The following CPA6 variants were observed in gnomAD, a reference collection of about 807,000 sequenced individuals.
The protein encoded by CPA6 is carboxypeptidase B.
CPA6 carries 58 observed loss-of-function variants against 63.3 expected under a neutral mutation model. The ratio of observed to expected loss-of-function variants is 0.92; its 90% confidence interval spans 0.74 to 1.14. CPA6 has a LOEUF of 1.14. Ranked by LOEUF, CPA6 falls within the 50% of genes most tolerant of loss-of-function variation. The probability of loss-of-function intolerance (pLI) is 0.00; values close to 1 mark genes in which losing one functional copy is unlikely to be tolerated. For synonymous variants in CPA6, 185 were observed against 179.0 expected, an observed-to-expected ratio of 1.03 and a Z score of -0.27; for missense variants, 565 against 526.6, an observed-to-expected ratio of 1.07 and a Z score of -0.71.
intron 1 of CPA6, among the ~76,000 whole-genome samples, chr8:67,638,275 A>G (rs379085): frequency 0.36 from 53,664 of 150,854 alleles, 10,582 homozygotes; most frequent in African/African-American, 0.48. Flanking sequence ...TGACAGGAGA[A>G]AGGAGGAAAA....
At chr8:67,631,160 A>G (rs138021651) in intron 1 of CPA6, among the ~76,000 whole-genome samples, 1 of 152,210 alleles carries the variant, frequency 6.6e-6, no homozygotes, top group African/African-American at 2.4e-5. Flanking sequence ...GGGATCTACT[A>G]GGCAAAGCCA....
intron 2 of CPA6, among the ~76,000 whole-genome samples, chr8:67,583,632 T>G (rs1000357423): frequency 2.0e-5 from 3 of 152,182 alleles, no homozygotes; most frequent in Non-Finnish European, 4.4e-5. Context: ...CCAAGGGCTG[T>G]GAATTCAGGT....
intron 10 of CPA6, among the ~76,000 whole-genome samples, chr8:67,423,508 C>T (rs763953024): frequency 1.1e-4 from 16 of 152,176 alleles, no homozygotes; most frequent in Non-Finnish European, 1.8e-4. Context: ...ATTTGATTCT[C>T]TAGTTGGCCA....
At chr8:67,485,836 G>T (rs1379186531) in intron 6 of CPA6, among the ~76,000 whole-genome samples, 1 of 152,186 alleles carries the variant, frequency 6.6e-6, no homozygotes, top group South Asian at 2.1e-4. Context: ...CTATGCCAAA[G>T]AACAAGTTTC....
intron 2 of CPA6, among the ~76,000 whole-genome samples, chr8:67,574,550 C>G (rs72657233): frequency 0.11 from 16,144 of 151,976 alleles, 936 homozygotes; most frequent in Middle Eastern, 0.2. Context: ...ACACATTGAC[C>G]AATGGAACAG....
At chr8:67,530,514 A>T (rs1219170955) in intron 2 of CPA6, among the ~76,000 whole-genome samples, 1 of 152,198 alleles carries the variant, frequency 6.6e-6, no homozygotes, top group Non-Finnish European at 1.5e-5. Flanking sequence ...CCCCACTCCA[A>T]TATAGCTAGA....
intron 7 of CPA6, among the ~76,000 whole-genome samples, 179 bp downstream of exon 7, chr8:67,484,499 TG>T (rs542837540): frequency 3.0e-4 from 45 of 152,208 alleles, no homozygotes; most frequent in Non-Finnish European, 5.0e-4. Context: ...AAAATCTAGA[TG>T]TGAAAATGAA....
chr8:67,582,570 TGC>T (rs1249914871), intron 2 of CPA6, among the ~76,000 whole-genome samples: 132 of 152,348 alleles, frequency 8.7e-4, no homozygotes, highest in African/African-American at 3.0e-3. Context: ...CTGTTATGAA[TGC>T]CTGGAGGGTT....
chr8:67,497,173 T>C (rs1811738706), intron 6 of CPA6, among the ~76,000 whole-genome samples: 1 of 152,228 alleles, frequency 6.6e-6, no homozygotes, highest in African/African-American at 2.4e-5. Flanking sequence ...TTTAGTATAT[T>C]TGCAGTGCTG....
rs773734224 is a variant in CPA6, at chr8:67,506,879, G to A, written c.544C>T (p.Arg182Ter). The A allele has an allele frequency of 1.4e-5, 23 of 1,612,506 alleles. No individual in the cohort carries two copies. Among genetic ancestry groups the A allele is most frequent in the African/African-American group, 6.7e-5 (5 of 74,852 alleles). Residue 182 changes from arginine (R) to a stop codon, truncating the protein, a stop_gained, in exon 6 of 11, where the codon CGA becomes TGA. Transcript: ENST00000297770. LOFTEE classifies it high-confidence loss of function. ...RSLFILKLGR[R>*]SRLKRAVWID... is the part of the protein sequence containing the mutation. ...CAAACAGCTCTTTTGAGTCGTGATC[G>A]TCTGCCCAGCTGAAAACAAGAGCAT...
chr8:67,665,364 T>C (rs141633046), intron 1 of CPA6, among the ~76,000 whole-genome samples: 381 of 152,328 alleles, frequency 2.5e-3, no homozygotes, highest in Middle Eastern at 0.01. Context: ...ACCTCAATTT[T>C]CAGTGCTGAA....
intron 2 of CPA6, among the ~76,000 whole-genome samples, chr8:67,564,309 G>T (rs1186086764): frequency 6.6e-6 from 1 of 152,056 alleles, no homozygotes; most frequent in Non-Finnish European, 1.5e-5. Flanking sequence ...TGCCTGTGAT[G>T]CTCCTAAAGC....
chr8:67,651,635 T>G (rs901874164), intron 1 of CPA6, among the ~76,000 whole-genome samples: 9 of 152,144 alleles, frequency 5.9e-5, no homozygotes, highest in Non-Finnish European at 8.8e-5. Flanking sequence ...GGTTTCGGTT[T>G]TCCTTACATT....
At chr8:67,446,907 A>G (rs939963814) in intron 8 of CPA6, among the ~76,000 whole-genome samples, 1 of 152,150 alleles carries the variant, frequency 6.6e-6, no homozygotes, top group Admixed American at 6.6e-5. Flanking sequence ...GTGTGTGTGT[A>G]AACAAATACA....
At chr8:67,699,183 C>T (rs546538477) in intron 1 of CPA6, among the ~76,000 whole-genome samples, 100 of 152,202 alleles carry the variant, frequency 6.6e-4, no homozygotes, top group South Asian at 2.9e-3. Flanking sequence ...CTTGGGAGGC[C>T]GAGATGGGTG....
At chr8:67,745,880 T>A in intron 1 of CPA6, 134 bp downstream of exon 1, 1 of 557,096 alleles carries the variant, frequency 1.8e-6, no homozygotes, top group East Asian at 2.9e-5. Flanking sequence ...GAGTACATTT[T>A]ATATAGAGGA....
chr8:67,643,514 A>C (rs939704201), intron 1 of CPA6, among the ~76,000 whole-genome samples: 13 of 151,846 alleles, frequency 8.6e-5, no homozygotes, highest in African/African-American at 2.9e-4. Context: ...AGAAGTGACT[A>C]TAAGATTTTA....
intron 8 of CPA6, among the ~76,000 whole-genome samples, chr8:67,447,041 T>C (rs1198306978): frequency 3.5e-5 from 5 of 141,746 alleles, no homozygotes; most frequent in East Asian, 2.1e-4. Context: ...TACACACATA[T>C]ATATATACAC....
At chr8:67,606,333 A>T (rs1390202600) in intron 2 of CPA6, among the ~76,000 whole-genome samples, 2 of 152,014 alleles carry the variant, frequency 1.3e-5, no homozygotes, top group Non-Finnish European at 2.9e-5. Context: ...TACCCTAAAA[A>T]GTATAATAAT....
Sources: allele counts gnomAD v4.1 joint callset (sites outside exome capture counted in the v4.1 genomes callset), GRCh38; gene constraint gnomAD v4.1.1; transcripts MANE v1.5; gene names NCBI Gene and HGNC (gene_info 2026-07-23, HGNC 2026-07-21).